Variants in ARHGEF4 observed in about 807,000 individuals in gnomAD.
ARHGEF4 encodes the protein Rho guanine nucleotide exchange factor 4.
In ARHGEF4, 119 loss-of-function variants were observed where a neutral mutation model predicts 162.0. That is an observed-to-expected ratio of 0.73 (90% CI 0.63 to 0.86). The LOEUF (loss-of-function observed/expected upper bound fraction) is 0.86, where lower values mean the gene tolerates loss of function less well. ARHGEF4 is among the 40% of genes least tolerant of loss of function. The pLI is 0.00. For missense variants in ARHGEF4, 2,488 were observed against 2,456.0 expected (o/e 1.01, Z -0.28); for synonymous variants, 1,014 against 979.9 (o/e 1.03, Z -0.65).
At chr2:130,954,872 C>A (rs1309582206) in intron 4 of ARHGEF4, among the ~76,000 whole-genome samples, 2 of 148,664 alleles carry the variant, frequency 1.3e-5, no homozygotes, top group Non-Finnish European at 3.0e-5. Context: ...GAATATTTTC[C>A]CCTTCCCCTT....
intron 4 of ARHGEF4, among the ~76,000 whole-genome samples, chr2:130,961,962 C>G (rs545805391): frequency 6.6e-6 from 1 of 152,042 alleles, no homozygotes; most frequent in Non-Finnish European, 1.5e-5. Flanking sequence ...GGAAGCAGGC[C>G]GGGCGCGGTG....
At chr2:130,842,388 G>A (rs961031199) in intron 1 of ARHGEF4, among the ~76,000 whole-genome samples, 3 of 152,152 alleles carry the variant, frequency 2.0e-5, no homozygotes, top group Admixed American at 2.0e-4. Flanking sequence ...ACTGCTTTTG[G>A]TTCTGGGATA....
Position 130,916,033 on chromosome 2 carries a change from T to C in ARHGEF4, c.2087T>C (p.Ile696Thr), listed in dbSNP as rs954779073. The C allele has an allele frequency of 3.2e-6, 5 of 1,550,336 alleles. No homozygotes were observed. In the African/African-American group the frequency reaches 6.8e-5, roughly 21 times the overall value. ...GNECELPAAP[I>T]QGAGDGALQR... ...GAGTGTGAGTTGCCAGCAGCCCCCATACAGGGAGCTGGCGATGGGGCTCTT... is the reference window on the plus strand; with the variant it reads ...GAGTGTGAGTTGCCAGCAGCCCCCACACAGGGAGCTGGCGATGGGGCTCTT... Residue 696 changes from isoleucine to threonine, a missense_variant, in exon 2 of 14, where the codon ATA becomes ACA. By Grantham distance (89) the Ile-to-Thr change is moderately conservative. This residue lies in a region of ARHGEF4 where 1,642 missense variants were observed against 1,481.5 expected (regional missense o/e 1.11). Coordinates refer to ENST00000409359, the MANE Select transcript of ARHGEF4 (RefSeq NM_001367493.1).
Position 131,046,521 on chromosome 2 carries a change from C to T in ARHGEF4, c.*332C>T, listed in dbSNP as rs748132317. 18 of 268,080 alleles carry T rather than the reference C, an allele frequency of 6.7e-5. No individual in the cohort carries two copies. Among genetic ancestry groups the T allele is most frequent in the Non-Finnish European group, 1.1e-4 (16 of 141,950 alleles). The allele number at this position is 268,080 out of a possible 1,614,324, so 16.6% of individuals were successfully genotyped here. A position where few individuals can be genotyped will look rare whatever the true frequency, so the allele number is the denominator to read the frequency against. ...AGCCCAGGCCCAGCTGGGGAGAAGG[C>T]GCTACCTGCGTGGGACCCTCTTCTC... On this transcript the variant is annotated 3_prime_UTR_variant, in exon 14 of 14. Transcript: ENST00000409359.
intron 4 of ARHGEF4, among the ~76,000 whole-genome samples, chr2:130,961,384 A>T (rs758156029): frequency 3.7e-4 from 57 of 152,214 alleles, no homozygotes; most frequent in South Asian, 4.1e-4. Flanking sequence ...GAGCCAAGCC[A>T]TGAAAAGCCA....
In ARHGEF4 at chr2:130,952,443, C is replaced by G. The variant is rs535815450; in HGVS notation, c.3985+5808C>G. Among the ~76,000 whole-genome samples the G allele has an allele frequency of 1.8e-3, 269 of 152,162 alleles. 3 individuals carry two copies. The highest frequency in any genetic ancestry group is 6.1e-3 in the African/African-American group (255 of 41,486). ...TAATAAGAGCTATTTATGACAAACC[C>G]ACAGCCAATATCATACTGAATGGGC... On this transcript the variant is annotated intron_variant, in intron 4 of 13. Transcript: ENST00000409359.
At chr2:130,980,136 C>T (rs1440727182) in intron 4 of ARHGEF4, among the ~76,000 whole-genome samples, 2 of 152,134 alleles carry the variant, frequency 1.3e-5, no homozygotes, top group Admixed American at 1.3e-4. Context: ...GTGGCTCATG[C>T]TTGTATCCCC....
Position 130,916,359 on chromosome 2 carries a change from C to A in ARHGEF4, c.2413C>A (p.Pro805Thr). 1.9e-6 allele frequency: 3 copies of A among 1,541,912 alleles called. No homozygotes were observed. Among genetic ancestry groups the A allele is most frequent in the Non-Finnish European group, 2.6e-6 (3 of 1,145,350 alleles). Reference sequence around the variant, plus strand: ...GGTGACCTCCTTCAGGAAGGGCAGGCCCTTGGCCACTGAGAGCCCAGGAGG... The same window carrying A: ...GGTGACCTCCTTCAGGAAGGGCAGGACCTTGGCCACTGAGAGCCCAGGAGG... Reference protein sequence around the residue: ...SKVTSFRKGRPLATESPGGVP... With the variant: ...SKVTSFRKGRTLATESPGGVP... Residue 805 changes from proline to threonine, a missense_variant, in exon 2 of 14, where the codon CCC (proline) becomes ACC (threonine). Coordinates refer to ENST00000409359, the MANE Select transcript of ARHGEF4 (RefSeq NM_001367493.1).
intron 4 of ARHGEF4, among the ~76,000 whole-genome samples, chr2:130,955,033 T>C (rs1333479725): frequency 1.3e-5 from 2 of 152,192 alleles, no homozygotes; most frequent in Non-Finnish European, 2.9e-5. Context: ...TCAAGTTTGC[T>C]AATTATTTCT....
At chr2:131,044,651 G>C in intron 12 of ARHGEF4, 109 bp downstream of exon 12, 1 of 1,433,904 alleles carries the variant, frequency 7.0e-7, no homozygotes, top group South Asian at 1.4e-5. Context: ...TCAGGTTGCA[G>C]GGTGTAGCAA....
intron 4 of ARHGEF4, among the ~76,000 whole-genome samples, chr2:130,982,156 G>A (rs540443723): frequency 2.6e-5 from 4 of 152,014 alleles, no homozygotes; most frequent in African/African-American, 7.2e-5. Context: ...CCACCACCAC[G>A]CCCTGCTAGT....
chr2:130,958,484 A>G (rs1684429233), intron 4 of ARHGEF4, among the ~76,000 whole-genome samples: 1 of 151,368 alleles, frequency 6.6e-6, no homozygotes, highest in Admixed American at 6.6e-5. Flanking sequence ...ATCTCAGCTC[A>G]CTGCAACCTC....
At chr2:130,891,319 T>C (rs1223328041) in intron 1 of ARHGEF4, among the ~76,000 whole-genome samples, 1 of 152,222 alleles carries the variant, frequency 6.6e-6, no homozygotes, top group Non-Finnish European at 1.5e-5. Flanking sequence ...AAAATAGCAA[T>C]ACAATTAAAC....
intron 5 of ARHGEF4, among the ~76,000 whole-genome samples, chr2:131,038,523 G>T (rs1437967111): frequency 7.0e-6 from 1 of 142,928 alleles, no homozygotes; most frequent in South Asian, 2.3e-4. Flanking sequence ...GCCTTGCAGT[G>T]CCCAGCCCCT....
intron 2 of ARHGEF4, among the ~76,000 whole-genome samples, chr2:130,922,636 T>G (rs965202966): frequency 6.6e-6 from 1 of 152,166 alleles, no homozygotes; most frequent in African/African-American, 2.4e-5. Flanking sequence ...TCAGAGTGAG[T>G]TAGTCTAGAG....
At chr2:130,879,521 C>T (rs916161025) in intron 1 of ARHGEF4, among the ~76,000 whole-genome samples, 2 of 152,114 alleles carry the variant, frequency 1.3e-5, no homozygotes, top group African/African-American at 4.8e-5. Flanking sequence ...CCATGGTATA[C>T]AATAGATCTC....
At chr2:130,968,751 C>G (rs933960045) in intron 4 of ARHGEF4, among the ~76,000 whole-genome samples, 5 of 152,186 alleles carry the variant, frequency 3.3e-5, no homozygotes, top group Non-Finnish European at 7.4e-5. Context: ...AACCCCGTCT[C>G]TACTAAAAAT....
chr2:130,867,307 C>T (rs1044758512), intron 1 of ARHGEF4, among the ~76,000 whole-genome samples: 1 of 151,556 alleles, frequency 6.6e-6, no homozygotes. Context: ...GGTGCGATCT[C>T]GGCTCACTGC....
At chr2:131,039,942 C>T (rs1345467254) in intron 6 of ARHGEF4, 74 bp from the exon 7 acceptor site, 2 of 1,511,774 alleles carry the variant, frequency 1.3e-6, no homozygotes, top group East Asian at 2.5e-5. Flanking sequence ...GCCCGGTTCC[C>T]GCCGCTGCGG....
Sources: allele counts gnomAD v4.1 joint callset (sites outside exome capture counted in the v4.1 genomes callset), GRCh38; gene constraint gnomAD v4.1.1; regional missense constraint gnomAD v4.1.1; transcripts MANE v1.5; gene names NCBI Gene and HGNC (gene_info 2026-07-23, HGNC 2026-07-21).